UNC5D: variants seen among roughly 807,000 people sequenced by gnomAD.
UNC5D encodes the protein unc-5 netrin receptor D.
UNC5D carries 39 observed loss-of-function variants against 105.4 expected under a neutral mutation model. The observed-to-expected ratio is 0.37, with a 90% CI of 0.29 to 0.48. The LOEUF is 0.48. UNC5D is among the 20% of genes least tolerant of loss of function. The probability of loss-of-function intolerance (pLI) is 0.98; values close to 1 mark genes in which losing one functional copy is unlikely to be tolerated. For synonymous variants in UNC5D, 452 were observed against 450.4 expected (o/e 1.00, Z -0.04); for missense variants, 991 against 1,202.4 (o/e 0.82, Z 2.60).
chr8:35,362,624 G>A (rs906191235), intron 1 of UNC5D, among the ~76,000 whole-genome samples: 2 of 152,134 alleles, frequency 1.3e-5, no homozygotes, highest in Non-Finnish European at 2.9e-5. Flanking sequence ...CAAAACAGTT[G>A]CAAAAACAGA....
Position 35,544,421 on chromosome 8 carries a change from A to G in UNC5D, c.104-4871A>G, listed in dbSNP as rs760797576. 5.0e-6 allele frequency: 8 copies of G among 1,609,364 alleles called. No individual in the cohort carries two copies. The South Asian group carries it at 8.9e-5, about 18-fold the overall frequency. ...ATAAGTAGGGATTGTTTAAAAAAAAAAGCTGTAATATGTTATCTGGGGGTG... is the reference window on the plus strand; with the variant it reads ...ATAAGTAGGGATTGTTTAAAAAAAAGAGCTGTAATATGTTATCTGGGGGTG... On this transcript the variant is annotated intron_variant, in intron 1 of 16. Transcript: ENST00000404895.
At chr8:35,694,627 T>C (rs1327297594) in intron 7 of UNC5D, among the ~76,000 whole-genome samples, 1 of 152,156 alleles carries the variant, frequency 6.6e-6, no homozygotes, top group African/African-American at 2.4e-5. Context: ...TGTGAGAAGA[T>C]AAACTAATCT....
intron 1 of UNC5D, among the ~76,000 whole-genome samples, chr8:35,480,083 A>G (rs1440150186): frequency 1.3e-5 from 2 of 152,184 alleles, no homozygotes; most frequent in African/African-American, 2.4e-5. Context: ...TATATTCAAG[A>G]TAATTTTAGT....
At chr8:35,460,606 G>T (rs1200859001) in intron 1 of UNC5D, among the ~76,000 whole-genome samples, 1 of 152,160 alleles carries the variant, frequency 6.6e-6, no homozygotes. Context: ...ATTTTTGAAA[G>T]CATGTTTTAT....
In UNC5D at chr8:35,286,205, C is replaced by T. The variant is rs1585497894; in HGVS notation, c.103+50318C>T. 2.0e-5 allele frequency among the ~76,000 whole-genome samples: 3 copies of T among 152,248 alleles called. No homozygotes were observed. In the East Asian group the frequency reaches 5.8e-4, roughly 29 times the overall value. ...GACTTTAAGAAAGTGTGACCATTTTCCCAGAGTGACACCAACAAGATGGTG... is the reference window on the plus strand; with the variant it reads ...GACTTTAAGAAAGTGTGACCATTTTTCCAGAGTGACACCAACAAGATGGTG... On this transcript the variant is annotated intron_variant, in intron 1 of 16. Transcript: ENST00000404895.
intron 1 of UNC5D, among the ~76,000 whole-genome samples, chr8:35,529,780 G>C (rs1000925655): frequency 7.4e-6 from 1 of 134,726 alleles, no homozygotes; most frequent in African/African-American, 2.8e-5. Context: ...TTGTAAGTTG[G>C]ATTCCTAGGT....
At chr8:35,398,963 C>CT (rs1329755323) in intron 1 of UNC5D, among the ~76,000 whole-genome samples, 1 of 151,770 alleles carries the variant, frequency 6.6e-6, no homozygotes, top group Admixed American at 6.6e-5. Flanking sequence ...CGAGACCAGC[C>CT]TGGGCAACAC....
intron 11 of UNC5D, among the ~76,000 whole-genome samples, chr8:35,742,062 G>GA (rs1227156921): frequency 2.0e-5 from 3 of 152,030 alleles, no homozygotes; most frequent in African/African-American, 7.2e-5. Context: ...CCCTCTCCAG[G>GA]AGTCTGTTTT....
chr8:35,628,380 C>T (rs1821822249), intron 4 of UNC5D, among the ~76,000 whole-genome samples: 2 of 152,066 alleles, frequency 1.3e-5, no homozygotes, highest in African/African-American at 4.8e-5. Flanking sequence ...GTGATCCACC[C>T]GCCTCAGCCT....
chr8:35,661,048 C>T (rs142364550), intron 4 of UNC5D, among the ~76,000 whole-genome samples: 126 of 151,772 alleles, frequency 8.3e-4, no homozygotes, highest in Non-Finnish European at 2.5e-4. Context: ...CAGTAAGCTA[C>T]GATCATGCTA....
At chr8:35,630,725 C>T (rs1821988247) in intron 4 of UNC5D, among the ~76,000 whole-genome samples, 1 of 152,142 alleles carries the variant, frequency 6.6e-6, no homozygotes, top group African/African-American at 2.4e-5. Flanking sequence ...TTAAATCTCC[C>T]CGCATCTACT....
At chr8:35,478,617 A>T (rs1810271089) in intron 1 of UNC5D, among the ~76,000 whole-genome samples, 1 of 152,226 alleles carries the variant, frequency 6.6e-6, no homozygotes, top group African/African-American at 2.4e-5. Context: ...TTAAAGAAAT[A>T]TAGCTGTCTC....
intron 4 of UNC5D, among the ~76,000 whole-genome samples, chr8:35,660,136 G>A (rs1008793366): frequency 1.3e-5 from 2 of 152,010 alleles, no homozygotes; most frequent in African/African-American, 2.4e-5. Context: ...TGTCATTTAC[G>A]TCCTCTCCTA....
chr8:35,533,306 G>T (rs1164189207), intron 1 of UNC5D, among the ~76,000 whole-genome samples: 1 of 152,082 alleles, frequency 6.6e-6, no homozygotes, highest in East Asian at 1.9e-4. Flanking sequence ...ATACCCTGCC[G>T]TGTGAGGGGT....
intron 3 of UNC5D, among the ~76,000 whole-genome samples, chr8:35,583,244 T>C (rs1309165488): frequency 6.6e-6 from 1 of 152,158 alleles, no homozygotes; most frequent in Non-Finnish European, 1.5e-5. Flanking sequence ...TTCTAGCTTC[T>C]TGGGAGGCCG....
Position 35,793,548 on chromosome 8 carries a change from G to T in UNC5D, c.*2985G>T, listed in dbSNP as rs1376211260. On this transcript the variant is annotated 3_prime_UTR_variant, in exon 17 of 17. Transcript: ENST00000404895. Reference sequence around the variant, plus strand: ...ATGCCAAATCTTTCAGTCCTCAAAGGCATTTAAGTCCAATAGTCATGCTTT... The same window carrying T: ...ATGCCAAATCTTTCAGTCCTCAAAGTCATTTAAGTCCAATAGTCATGCTTT... The T allele has an allele frequency of 6.3e-6, 1 of 157,700 alleles. No homozygotes were observed. The highest frequency in any genetic ancestry group is 2.4e-5 in the African/African-American group (1 of 41,438). The allele number at this position is 157,700 out of a possible 1,614,324, so 9.8% of individuals were successfully genotyped here.
intron 4 of UNC5D, among the ~76,000 whole-genome samples, chr8:35,621,312 G>A (rs2918965): frequency 0.095 from 14,440 of 152,178 alleles, 716 homozygotes; most frequent in Non-Finnish European, 0.1. Flanking sequence ...ACAGTGTAGG[G>A]AGTGAGTATC....
At position 35,662,922 on chromosome 8, in the gene UNC5D, G is replaced by A. The variant is rs897967367; in HGVS notation, c.571-20625G>A. Among the ~76,000 whole-genome samples the A allele has an allele frequency of 2.0e-5, 3 of 152,110 alleles. No individual in the cohort carries two copies. In the South Asian group the frequency reaches 6.2e-4, roughly 32 times the overall value. ...CTCAACGCTAGATTCTCATAGGAGC[G>A]CAAACTCTCTTGTGAACTGCGTATG... On this transcript the variant is annotated intron_variant, in intron 4 of 16. Coordinates refer to ENST00000404895, the MANE Select transcript of UNC5D (RefSeq NM_080872.4).
At chr8:35,613,522 A>G (rs2918972) in intron 4 of UNC5D, among the ~76,000 whole-genome samples, 2 of 152,028 alleles carry the variant, frequency 1.3e-5, no homozygotes, top group Non-Finnish European at 2.9e-5. Flanking sequence ...TAATAAATTT[A>G]TTTTTCACAT....
Sources: allele counts gnomAD v4.1 joint callset (sites outside exome capture counted in the v4.1 genomes callset), GRCh38; gene constraint gnomAD v4.1.1; transcripts MANE v1.5; gene names NCBI Gene and HGNC (gene_info 2026-07-23, HGNC 2026-07-21).